The following ATM variants were observed in gnomAD, a reference collection of about 807,000 sequenced individuals.
ATM encodes the protein serine-protein kinase ATM.
Under a neutral mutation model 387.0 loss-of-function variants are expected in ATM, and 308 were observed. The observed-to-expected ratio is 0.80, with a 90% CI of 0.73 to 0.87. The LOEUF (loss-of-function observed/expected upper bound fraction) is 0.87, where lower values mean the gene tolerates loss of function less well. Among genes scored for constraint, ATM ranks in the 40% least tolerant of loss-of-function variants. The pLI is 0.00. For missense variants in ATM, 3,312 were observed against 3,560.9 expected (o/e 0.93, Z 1.78); for synonymous variants, 1,156 against 1,187.3 (o/e 0.97, Z 0.54).
At chr11:108,242,321 A>T (rs1053580953) in intron 5 of ATM, among the ~76,000 whole-genome samples, 12 of 152,224 alleles carry the variant, frequency 7.9e-5, no homozygotes, top group African/African-American at 2.9e-4. Context: ...CTAGTCCCAT[A>T]ACTATTAGGA....
At chr11:108,292,352 T>C (rs983919401) in intron 29 of ATM, among the ~76,000 whole-genome samples, 2 of 152,222 alleles carry the variant, frequency 1.3e-5, no homozygotes, top group African/African-American at 4.8e-5. Context: ...CTGTAAACCT[T>C]TGACTATTTT....
intron 36 of ATM, 76 bp downstream of exon 36, chr11:108,303,105 T>G: frequency 1.1e-5 from 15 of 1,327,320 alleles, no homozygotes; most frequent in Non-Finnish European, 1.5e-5. Flanking sequence ...ATACTGCACA[T>G]CATCTTCACA....
intron 61 of ATM, among the ~76,000 whole-genome samples, chr11:108,362,503 T>G (rs1435848015): frequency 6.7e-6 from 1 of 149,502 alleles, no homozygotes; most frequent in African/African-American, 2.4e-5. Flanking sequence ...TGCACACGTA[T>G]GTTTATTGCG....
At chr11:108,350,676 G>A (rs998297188) in intron 59 of ATM, among the ~76,000 whole-genome samples, 1 of 152,184 alleles carries the variant, frequency 6.6e-6, no homozygotes, top group Non-Finnish European at 1.5e-5. Context: ...CAGAGTAAAC[G>A]TGAAGATGGA....
intron 60 of ATM, 52 bp downstream of exon 60, chr11:108,353,932 T>C (rs766372922): frequency 1.2e-5 from 18 of 1,518,890 alleles, no homozygotes; most frequent in African/African-American, 1.4e-5. Flanking sequence ...CAAAATTACA[T>C]GGGCTGGGCA....
intron 14 of ATM, among the ~76,000 whole-genome samples, chr11:108,256,813 C>T (rs2080521452): frequency 6.6e-6 from 1 of 152,110 alleles, no homozygotes; most frequent in African/African-American, 2.4e-5. Context: ...TGATGGTTTC[C>T]AGCTTCATCC....
At chr11:108,321,541 AG>A in intron 45 of ATM, 121 bp downstream of exon 45, 1 of 1,420,826 alleles carries the variant, frequency 7.0e-7, no homozygotes, top group Admixed American at 1.7e-5. Flanking sequence ...CTAGCACTTT[AG>A]AAGGCTGAAG....
rs1439775115 is a variant in ATM at position 108,289,595 on chromosome 11, T to C, written c.4237-7T>C. 3.8e-6 allele frequency: 6 copies of C among 1,598,988 alleles called. No individual in the cohort carries two copies. The highest frequency in any genetic ancestry group is 5.1e-6 in the Non-Finnish European group (6 of 1,172,778). On this transcript the variant is annotated splice_region_variant and splice_polypyrimidine_tract_variant and intron_variant, in intron 28 of 62. Coordinates refer to ENST00000675843, the MANE Select transcript of ATM (RefSeq NM_000051.4). ...ACAAGTTTTTACTAAATCTGTTTAT[T>C]TTCTAGGATTCCTATCAGAAAATTC...
intron 57 of ATM, among the ~76,000 whole-genome samples, chr11:108,345,213 A>C (rs996283991): frequency 6.6e-6 from 1 of 152,340 alleles, no homozygotes; most frequent in South Asian, 2.1e-4. Context: ...GCTAAAGCTT[A>C]ATAAAGATAT....
rs773891864 is a variant in ATM, at chr11:108,317,497, A to T, written c.6323A>T (p.Gln2108Leu). 4 of 1,610,614 alleles carry T rather than the reference A, an allele frequency of 2.5e-6. No homozygotes were observed. The Admixed American group carries it at 6.7e-5, about 27-fold the overall frequency. The change falls in exon 43 of 63, where the codon CAG becomes CTG. Residue 2108 changes from glutamine to leucine, a missense_variant. Gln to Leu is a moderately radical substitution (Grantham distance 113). Coordinates refer to ENST00000675843, the MANE Select transcript of ATM (RefSeq NM_000051.4). ...LHYQAAWRNM[Q>L]WDHCTSVSKE... The stretch of plus-strand genomic sequence containing the variant: ...TACCAAGCAGCATGGAGGAATATGC[A>T]GTGGGACCATTGCACTTCCGTCAGG...
At chr11:108,333,524 CAA>C (rs1011952658) in intron 53 of ATM, among the ~76,000 whole-genome samples, 6 of 152,112 alleles carry the variant, frequency 3.9e-5, no homozygotes, top group South Asian at 2.1e-4. Flanking sequence ...TCTAAGCAAA[CAA>C]AAAGTATTGA....
intron 16 of ATM, among the ~76,000 whole-genome samples, chr11:108,260,030 CTTTTTT>C (rs754362678): frequency 2.5e-4 from 24 of 94,588 alleles, no homozygotes; most frequent in African/African-American, 8.5e-4. Flanking sequence ...CTTATCTGCT[CTTTTTT>C]TTTTTTTTTT....
At chr11:108,244,257 G>A in intron 6 of ATM, 139 bp downstream of exon 6, 1 of 1,022,110 alleles carries the variant, frequency 9.8e-7, no homozygotes, top group Non-Finnish European at 1.4e-6. Context: ...GATTCCTAAA[G>A]AGACAACCAA....
intron 42 of ATM, among the ~76,000 whole-genome samples, chr11:108,316,394 A>C (rs1168253758): frequency 1.3e-5 from 2 of 152,156 alleles, no homozygotes; most frequent in African/African-American, 2.4e-5. Context: ...ACAACAGAAG[A>C]CATTGCTCGA....
At chr11:108,261,729 C>A (rs2135448410) in intron 16 of ATM, among the ~76,000 whole-genome samples, 1 of 152,016 alleles carries the variant, frequency 6.6e-6, no homozygotes, top group Admixed American at 6.5e-5. Context: ...AAGTTGAAAA[C>A]TTTGAAAAAA....
intron 12 of ATM, 118 bp from the exon 13 acceptor site, chr11:108,253,696 T>C (rs1591533298): frequency 1.6e-6 from 1 of 643,740 alleles, no homozygotes; most frequent in Non-Finnish European, 2.6e-6. Context: ...ATTATATAAG[T>C]AGTCTTTGAA....
chr11:108,289,480 T>C, intron 28 of ATM, 122 bp from the exon 29 acceptor site: 1 of 778,542 alleles, frequency 1.3e-6, no homozygotes, highest in East Asian at 2.8e-5. Context: ...AATTCTGTTA[T>C]TTAGTTATTT....
intron 5 of ATM, among the ~76,000 whole-genome samples, chr11:108,241,355 A>G (rs2135189526): frequency 6.6e-6 from 1 of 152,328 alleles, no homozygotes; most frequent in Admixed American, 6.5e-5. Context: ...AAGTACATAA[A>G]CCTAACATTT....
In ATM at chr11:108,302,870, A is replaced by T. The variant is rs369351803; in HGVS notation, c.5337A>T (p.Arg1779Ser). Residue 1779 changes from arginine to serine, a missense_variant, in exon 36 of 63, where the codon AGA becomes AGT. Physicochemically the swap from Arg to Ser is moderately radical, Grantham distance 110 (BLOSUM62 -1). Around this residue, in one of 4 missense-constraint regions of ATM, gnomAD observed 1,405 missense variants for 1,604.4 expected, o/e 0.88. Transcript: ENST00000675843. ...CTTTCTAGTTTTTAGAAGTACCCAG[A>T]TTTGACAAAGAAAACCCTTTTGAAG... is the stretch of plus-strand genomic sequence containing the variant. ...TSRKKFLEVP[R>S]FDKENPFEGL... 2 of 1,612,776 alleles carry T rather than the reference A, an allele frequency of 1.2e-6. No homozygotes were observed. Among genetic ancestry groups the T allele is most frequent in the East Asian group, 2.2e-5 (1 of 44,802 alleles).
Sources: gnomAD v4.1 joint callset for allele counts (sites outside exome capture counted in the v4.1 genomes callset) on GRCh38, gnomAD v4.1.1 for gene constraint, gnomAD v4.1.1 regional missense constraint, MANE v1.5 for transcripts, NCBI Gene and HGNC (gene_info 2026-07-23, HGNC 2026-07-21) for gene names.